RGPD2: variants seen among roughly 807,000 people sequenced by gnomAD.
RGPD2 encodes the protein RANBP2 like and GRIP domain containing 2, also known as RANBP2-like and GRIP domain-containing protein 2.
RGPD2 carries 2 observed loss-of-function variants against 36.0 expected under a neutral mutation model. The ratio of observed to expected loss-of-function variants is 0.06; its 90% confidence interval spans 0.02 to 0.17. The LOEUF (loss-of-function observed/expected upper bound fraction) is 0.17. RGPD2 is among the 10% of genes least tolerant of loss of function. The pLI, the probability that RGPD2 is intolerant of heterozygous loss-of-function variation, is 1.00. For missense variants in RGPD2, 40 were observed against 464.3 expected (o/e 0.09, Z 8.40); for synonymous variants, 19 against 163.8 (o/e 0.12, Z 6.75).
the RGPD2 span, among the ~76,000 whole-genome samples, chr2:87,976,678 G>C: frequency 6.6e-6 from 1 of 151,812 alleles, no homozygotes; most frequent in South Asian, 2.1e-4. Context: ...GGATTAATGT[G>C]AGAATCAAAT....
the RGPD2 span, among the ~76,000 whole-genome samples, chr2:87,964,966 A>G: frequency 6.6e-6 from 1 of 152,056 alleles, no homozygotes; most frequent in Admixed American, 6.6e-5. Flanking sequence ...TAATCCTTAA[A>G]CTAACTCCCT....
chr2:87,873,203 T>C, the RGPD2 span, among the ~76,000 whole-genome samples: 1 of 151,276 alleles, frequency 6.6e-6, no homozygotes, highest in East Asian at 1.9e-4. Context: ...TAGTATTCCA[T>C]AGTGTATATG....
the RGPD2 span, among the ~76,000 whole-genome samples, chr2:87,920,608 C>T: frequency 1.6e-5 from 2 of 124,866 alleles, no homozygotes; most frequent in East Asian, 4.2e-4. Context: ...AGTACCCAGT[C>T]CTTGGATACT....
chr2:87,840,816 C>G, the RGPD2 span, among the ~76,000 whole-genome samples: 1 of 146,320 alleles, frequency 6.8e-6, no homozygotes, highest in Non-Finnish European at 1.5e-5. Flanking sequence ...CTATACAAAT[C>G]ATAGCTCAGT....
the RGPD2 span, among the ~76,000 whole-genome samples, chr2:87,984,861 C>A: frequency 2.0e-5 from 3 of 149,514 alleles, no homozygotes; most frequent in African/African-American, 7.4e-5. Context: ...ACCCAGGAGG[C>A]AGAGCCTGTA....
At chr2:87,978,997 G>A in the RGPD2 span, among the ~76,000 whole-genome samples, 1 of 149,914 alleles carries the variant, frequency 6.7e-6, no homozygotes, top group East Asian at 2.0e-4. Flanking sequence ...CACTTTGGGA[G>A]GTCAACATGG....
the RGPD2 span, among the ~76,000 whole-genome samples, chr2:87,831,132 A>C: frequency 1.1e-4 from 16 of 152,252 alleles, no homozygotes; most frequent in African/African-American, 3.9e-4. Context: ...GAAATAACCA[A>C]ATAAATATTC....
intron 1 of RGPD2, among the ~76,000 whole-genome samples, 184 bp downstream of exon 1, chr2:87,825,474 C>A (rs1156813623): frequency 5.3e-5 from 6 of 113,392 alleles, no homozygotes; most frequent in South Asian, 2.9e-4. Context: ...CCGAGGCCGC[C>A]GTCGCCGCCG....
chr2:87,872,812 T>G, the RGPD2 span, among the ~76,000 whole-genome samples: 2 of 151,118 alleles, frequency 1.3e-5, no homozygotes, highest in South Asian at 2.1e-4. Flanking sequence ...CAGGCTGGAG[T>G]GCATTGGTGC....
chr2:87,861,201 T>G, the RGPD2 span, among the ~76,000 whole-genome samples: 4 of 150,518 alleles, frequency 2.7e-5, no homozygotes, highest in Non-Finnish European at 5.9e-5. Context: ...TTTTACCAGA[T>G]AGAAATAAGG....
chr2:87,845,890 A>G, the RGPD2 span, among the ~76,000 whole-genome samples: 2 of 152,038 alleles, frequency 1.3e-5, no homozygotes, highest in African/African-American at 4.8e-5. Flanking sequence ...TATACTTATT[A>G]GCATATTTTA....
chr2:87,868,826 T>C, the RGPD2 span, among the ~76,000 whole-genome samples: 4 of 152,080 alleles, frequency 2.6e-5, no homozygotes, highest in African/African-American at 4.8e-5. Context: ...TATCATCCTA[T>C]GTAAAACAGC....
the RGPD2 span, among the ~76,000 whole-genome samples, chr2:87,882,812 T>G: frequency 6.6e-6 from 1 of 152,184 alleles, no homozygotes; most frequent in African/African-American, 2.4e-5. Context: ...TTTCACTTTC[T>G]TGGTAACATT....
the RGPD2 span, among the ~76,000 whole-genome samples, chr2:87,857,510 T>C: frequency 1.6e-4 from 25 of 151,624 alleles, no homozygotes; most frequent in South Asian, 5.0e-3. Flanking sequence ...GCCTGGCTAA[T>C]TTTTTGTATT....
the RGPD2 span, among the ~76,000 whole-genome samples, chr2:87,966,625 T>G: frequency 6.6e-6 from 1 of 152,266 alleles, no homozygotes; most frequent in African/African-American, 2.4e-5. Flanking sequence ...ATGAACCAAT[T>G]AGAACTTAAT....
chr2:87,940,304 T>A, the RGPD2 span, among the ~76,000 whole-genome samples: 1 of 151,866 alleles, frequency 6.6e-6, no homozygotes, highest in Non-Finnish European at 1.5e-5. Flanking sequence ...TATTAGGAAC[T>A]TAGCATCCTC....
chr2:87,839,466 A>C, the RGPD2 span, among the ~76,000 whole-genome samples: 2,283 of 152,158 alleles, frequency 0.015, 40 homozygotes, highest in South Asian at 0.093. Context: ...TTCTAACGTA[A>C]AGACACATGC....
chr2:87,871,865 C>CAAAAA, the RGPD2 span, among the ~76,000 whole-genome samples: 65 of 131,128 alleles, frequency 5.0e-4, no homozygotes, highest in African/African-American at 1.3e-3. Flanking sequence ...AACTCTGTCT[C>CAAAAA]AAAAAAAAAA....
At chr2:87,952,206 T>G in the RGPD2 span, among the ~76,000 whole-genome samples, 355 of 152,334 alleles carry the variant, frequency 2.3e-3, no homozygotes, top group African/African-American at 8.3e-3. Flanking sequence ...TAAAGGAAAT[T>G]TGTTAATTAA....
Sources: gnomAD v4.1 joint callset for allele counts (sites outside exome capture counted in the v4.1 genomes callset) on GRCh38, gnomAD v4.1.1 for gene constraint, MANE v1.5 for transcripts, NCBI Gene and HGNC (gene_info 2026-07-23, HGNC 2026-07-21) for gene names.